Variants in MLLT3 observed in about 807,000 individuals in gnomAD.
MLLT3 encodes the protein MLLT3 super elongation complex subunit.
Under a neutral mutation model 53.2 loss-of-function variants are expected in MLLT3, and 4 were observed. The observed-to-expected ratio is 0.08, with a 90% confidence interval of 0.04 to 0.17. The LOEUF (loss-of-function observed/expected upper bound fraction) is 0.17. MLLT3 is among the 10% of genes least tolerant of loss of function. MLLT3 has a pLI of 1.00. For missense variants in MLLT3, 569 were observed against 684.0 expected (o/e 0.83, Z 1.87); for synonymous variants, 283 against 230.6 (o/e 1.23, Z -2.06).
chr9:20,612,380 C>G (rs1419786122), intron 2 of MLLT3, among the ~76,000 whole-genome samples: 1 of 152,076 alleles, frequency 6.6e-6, no homozygotes, highest in Non-Finnish European at 1.5e-5. Context: ...TCACTGTATC[C>G]TACATATATA....
rs191514051 is a variant in MLLT3 at position 20,531,005 on chromosome 9, C to A, written c.194-74219G>T. On this transcript the variant is annotated intron_variant, in intron 2 of 10. Coordinates refer to ENST00000380338, the MANE Select transcript of MLLT3 (RefSeq NM_004529.4). The stretch of plus-strand genomic sequence containing the variant: ...TTTTTAACCTAATTTAATTCATCTA[C>A]TTATATTTTTAAGATACTTCTAGTT... Among the ~76,000 whole-genome samples the A allele has an allele frequency of 4.6e-5, 7 of 150,734 alleles. No homozygotes were observed. The East Asian group carries it at 1.4e-3, about 29-fold the overall frequency.
intron 2 of MLLT3, among the ~76,000 whole-genome samples, chr9:20,527,543 T>C (rs1818234682): frequency 6.6e-6 from 1 of 152,158 alleles, no homozygotes; most frequent in African/African-American, 2.4e-5. Context: ...TCACAGCTAA[T>C]CAGCAGTGGA....
chr9:20,586,836 G>A (rs1352518979), intron 2 of MLLT3, among the ~76,000 whole-genome samples: 4 of 152,144 alleles, frequency 2.6e-5, no homozygotes, highest in East Asian at 1.9e-4. Flanking sequence ...AGAAAAAAGA[G>A]CAAAAATAAG....
chr9:20,606,666 T>A (rs1447854168), intron 2 of MLLT3, among the ~76,000 whole-genome samples: 1 of 152,080 alleles, frequency 6.6e-6, no homozygotes, highest in Non-Finnish European at 1.5e-5. Flanking sequence ...GTTGATCCAA[T>A]AAAGATCCTT....
intron 4 of MLLT3, among the ~76,000 whole-genome samples, chr9:20,426,006 C>A (rs1457557346): frequency 6.6e-6 from 1 of 151,816 alleles, no homozygotes; most frequent in African/African-American, 2.4e-5. Flanking sequence ...ATATATAATG[C>A]CCTTTTTTCC....
chr9:20,446,738 C>G (rs544856844), intron 4 of MLLT3, among the ~76,000 whole-genome samples: 110 of 152,312 alleles, frequency 7.2e-4, no homozygotes, highest in African/African-American at 2.5e-3. Context: ...CAAAACTATA[C>G]TCCTGATAAC....
At chr9:20,400,787 T>C (rs188794692) in intron 5 of MLLT3, among the ~76,000 whole-genome samples, 88 of 152,260 alleles carry the variant, frequency 5.8e-4, no homozygotes, top group Middle Eastern at 3.4e-3. Context: ...ATACAAGTGC[T>C]GCAGTTTTGA....
intron 5 of MLLT3, among the ~76,000 whole-genome samples, chr9:20,396,896 A>C (rs745618220): frequency 2.0e-5 from 3 of 152,170 alleles, no homozygotes; most frequent in African/African-American, 7.2e-5. Flanking sequence ...CACAATCAAG[A>C]TTTCTGGCTA....
chr9:20,368,955 T>A (rs546306928), intron 5 of MLLT3, among the ~76,000 whole-genome samples: 308 of 152,292 alleles, frequency 2.0e-3, no homozygotes, highest in African/African-American at 7.2e-3. Context: ...ACCTTTAAAA[T>A]GATCTAAGGC....
intron 2 of MLLT3, among the ~76,000 whole-genome samples, chr9:20,550,051 C>G (rs1818889314): frequency 6.6e-6 from 1 of 152,190 alleles, no homozygotes; most frequent in Admixed American, 6.5e-5. Flanking sequence ...ATCATGAACT[C>G]CAAACCCACT....
At chr9:20,480,028 T>C (rs1320656886) in intron 2 of MLLT3, among the ~76,000 whole-genome samples, 3 of 152,168 alleles carry the variant, frequency 2.0e-5, no homozygotes, top group Non-Finnish European at 4.4e-5. Context: ...AATGTGACCA[T>C]ATCACAGCCT....
At chr9:20,569,894 T>G (rs1819485012) in intron 2 of MLLT3, among the ~76,000 whole-genome samples, 1 of 152,182 alleles carries the variant, frequency 6.6e-6, no homozygotes, top group African/African-American at 2.4e-5. Context: ...CTGTGGTCTG[T>G]ACCTGCAAAC....
At chr9:20,528,248 G>T (rs534733316) in intron 2 of MLLT3, among the ~76,000 whole-genome samples, 1 of 152,308 alleles carries the variant, frequency 6.6e-6, no homozygotes, top group South Asian at 2.1e-4. Flanking sequence ...ATCCATGTGT[G>T]TGTTCACACA....
At chr9:20,346,808 A>G (rs1301575155) in intron 10 of MLLT3, among the ~76,000 whole-genome samples, 1 of 152,176 alleles carries the variant, frequency 6.6e-6, no homozygotes, top group Non-Finnish European at 1.5e-5. Flanking sequence ...CATACCCTTT[A>G]AACTGATGTC....
At chr9:20,487,808 A>G (rs1256794657) in intron 2 of MLLT3, among the ~76,000 whole-genome samples, 1 of 152,202 alleles carries the variant, frequency 6.6e-6, no homozygotes, top group Non-Finnish European at 1.5e-5. Context: ...TAGACTAAAC[A>G]TTCAAGATGG....
intron 2 of MLLT3, among the ~76,000 whole-genome samples, chr9:20,541,147 G>C (rs1818619636): frequency 6.6e-6 from 1 of 152,084 alleles, no homozygotes; most frequent in African/African-American, 2.4e-5. Flanking sequence ...CTCCATCTGA[G>C]ACCACCTGTC....
At chr9:20,536,258 G>A (rs1336651645) in intron 2 of MLLT3, among the ~76,000 whole-genome samples, 1 of 152,112 alleles carries the variant, frequency 6.6e-6, no homozygotes, top group Admixed American at 6.5e-5. Flanking sequence ...GAAGAAAATG[G>A]CTTTGTGGTA....
intron 2 of MLLT3, among the ~76,000 whole-genome samples, chr9:20,552,820 C>T (rs960464982): frequency 2.0e-5 from 3 of 152,058 alleles, no homozygotes; most frequent in Non-Finnish European, 2.9e-5. Flanking sequence ...AAAAATCCCA[C>T]GTAGAATCTA....
At chr9:20,598,660 AT>A (rs1481190320) in intron 2 of MLLT3, among the ~76,000 whole-genome samples, 15 of 152,368 alleles carry the variant, frequency 9.8e-5, no homozygotes, top group Non-Finnish European at 2.2e-4. Flanking sequence ...AGAAGTGATG[AT>A]CAGTAAACTG....
Sources: allele counts gnomAD v4.1 joint callset (sites outside exome capture counted in the v4.1 genomes callset), GRCh38; gene constraint gnomAD v4.1.1; transcripts MANE v1.5; gene names NCBI Gene and HGNC (gene_info 2026-07-23, HGNC 2026-07-21).